Variants in PTPRC observed in about 807,000 individuals in gnomAD.
The protein encoded by PTPRC is receptor-type tyrosine-protein phosphatase C.
In PTPRC, 44 loss-of-function variants were observed where a neutral mutation model predicts 155.9. The observed-to-expected ratio is 0.28, with a 90% confidence interval of 0.22 to 0.36. The LOEUF (loss-of-function observed/expected upper bound fraction) is 0.36, where lower values mean the gene tolerates loss of function less well. Among genes scored for constraint, PTPRC ranks in the 10% least tolerant of loss-of-function variants. The pLI, the probability that PTPRC is intolerant of heterozygous loss-of-function variation, is 1.00. For missense variants in PTPRC, 1,401 were observed against 1,564.6 expected (o/e 0.90, Z 1.76); for synonymous variants, 525 against 533.1 (o/e 0.98, Z 0.21).
At chr1:198,663,367 A>C (rs566768237) in intron 2 of PTPRC, among the ~76,000 whole-genome samples, 2 of 152,324 alleles carry the variant, frequency 1.3e-5, no homozygotes, top group East Asian at 3.9e-4. Flanking sequence ...TTTTAGCTAT[A>C]AGATTCCTTC....
chr1:198,716,875 TG>T (rs775392430), intron 13 of PTPRC, 35 bp downstream of exon 13: 3 of 1,602,980 alleles, frequency 1.9e-6, no homozygotes, highest in Non-Finnish European at 2.6e-6. Context: ...TTTCCATAAA[TG>T]GTAAAAAGCA....
At chr1:198,692,977 A>G (rs535603143) in intron 3 of PTPRC, 2 of 933,862 alleles carry the variant, frequency 2.1e-6, no homozygotes, top group African/African-American at 1.8e-5. Flanking sequence ...AAGAGAAAAA[A>G]TTAAATTGCA....
chr1:198,733,389 G>A (rs10919565), intron 20 of PTPRC, among the ~76,000 whole-genome samples: 2,314 of 151,776 alleles, frequency 0.015, 51 homozygotes, highest in African/African-American at 0.053. Context: ...ACATATTGTA[G>A]CTATTCAATA....
chr1:198,696,886 ATGCTAG>A lies in PTPRC; in HGVS notation c.280_285del (p.Ser94_Ala95del). On this transcript the variant is annotated inframe_deletion, in exon 4 of 33. Transcript: ENST00000442510. Reference sequence around the variant, plus strand: ...CAAGTATCCCCGGACTCTTTGGATAATGCTAGTGCTTTTAATACCACAGGTTGGCAC... The same window carrying A: ...CAAGTATCCCCGGACTCTTTGGATAATGCTTTTAATACCACAGGTTGGCAC... 1 of 1,613,932 alleles carries A rather than the reference ATGCTAG, an allele frequency of 6.2e-7. No individual in the cohort carries two copies. Among genetic ancestry groups the A allele is most frequent in the South Asian group, 1.1e-5 (1 of 91,076 alleles).
chr1:198,727,514 G>A (rs757818592), intron 15 of PTPRC, among the ~76,000 whole-genome samples: 5 of 152,148 alleles, frequency 3.3e-5, no homozygotes, highest in African/African-American at 4.8e-5. Flanking sequence ...ACCGTGCTAC[G>A]TGTTTACTGT....
At chr1:198,751,796 C>A (rs911732177) in intron 29 of PTPRC, among the ~76,000 whole-genome samples, 2 of 152,060 alleles carry the variant, frequency 1.3e-5, no homozygotes, top group African/African-American at 4.8e-5. Flanking sequence ...TGTTGGTCAA[C>A]AAGATGACAG....
At chr1:198,753,549 C>G (rs531401511) in intron 31 of PTPRC, among the ~76,000 whole-genome samples, 1 of 151,938 alleles carries the variant, frequency 6.6e-6, no homozygotes, top group African/African-American at 2.4e-5. Flanking sequence ...ATACTAGAAT[C>G]AAGCCTTAAG....
intron 3 of PTPRC, 71 bp downstream of exon 3, chr1:198,692,444 T>G (rs1389542695): frequency 8.3e-7 from 1 of 1,200,228 alleles, no homozygotes; most frequent in East Asian, 3.0e-5. Flanking sequence ...TAACTACAAT[T>G]TTCTATTATT....
chr1:198,684,567 G>C (rs1665515020), intron 2 of PTPRC, among the ~76,000 whole-genome samples: 1 of 151,728 alleles, frequency 6.6e-6, no homozygotes, highest in Non-Finnish European at 1.5e-5. Context: ...AGTACCATAA[G>C]GCCTAGAGTA....
chr1:198,692,037 A>G (rs569518063), intron 2 of PTPRC, among the ~76,000 whole-genome samples: 1 of 152,106 alleles, frequency 6.6e-6, no homozygotes, highest in African/African-American at 2.4e-5. Context: ...GGGAAAAAAA[A>G]GTTTCAAAAG....
intron 2 of PTPRC, among the ~76,000 whole-genome samples, chr1:198,656,707 T>C (rs1455984419): frequency 2.0e-5 from 3 of 151,302 alleles, no homozygotes; most frequent in African/African-American, 7.3e-5. Flanking sequence ...AGTTTACTGA[T>C]CTGTAGTTTT....
intron 2 of PTPRC, among the ~76,000 whole-genome samples, chr1:198,673,381 T>C (rs1323658941): frequency 6.6e-6 from 1 of 152,216 alleles, no homozygotes; most frequent in African/African-American, 2.4e-5. Flanking sequence ...TGCACCTTAT[T>C]GTGCTTTCTT....
chr1:198,730,957 C>T (rs1654357443), intron 17 of PTPRC, among the ~76,000 whole-genome samples: 1 of 152,174 alleles, frequency 6.6e-6, no homozygotes. Context: ...CATAATTTTA[C>T]ATATGCGACA....
At chr1:198,755,505 G>A (rs1221719327) in intron 32 of PTPRC, among the ~76,000 whole-genome samples, 3 of 151,962 alleles carry the variant, frequency 2.0e-5, no homozygotes, top group South Asian at 2.1e-4. Flanking sequence ...ATTATAAGAA[G>A]AACATGAATG....
chr1:198,689,588 G>A (rs559187033), intron 2 of PTPRC, among the ~76,000 whole-genome samples: 12 of 152,186 alleles, frequency 7.9e-5, no homozygotes, highest in East Asian at 3.9e-4. Flanking sequence ...AATGGCTTCC[G>A]TCATTCTGAG....
intron 2 of PTPRC, among the ~76,000 whole-genome samples, chr1:198,643,220 CAT>C (rs1389434142): frequency 1.3e-5 from 2 of 151,654 alleles, no homozygotes; most frequent in East Asian, 1.9e-4. Context: ...ATGATGATGA[CAT>C]GTGAATTAGT....
rs903323190 is a variant in PTPRC at position 198,673,824 on chromosome 1, C to T, written c.74-18523C>T. Among the ~76,000 whole-genome samples the T allele has an allele frequency of 2.0e-5, 3 of 151,970 alleles. No individual in the cohort carries two copies. In the South Asian group the frequency reaches 6.2e-4, roughly 32 times the overall value. ...AGCCTTTTGGTTTCTGATTTTTTTTCTTAACTTTGCTTGTATGTTGTAGAA... is the reference window on the plus strand; with the variant it reads ...AGCCTTTTGGTTTCTGATTTTTTTTTTTAACTTTGCTTGTATGTTGTAGAA... On this transcript the variant is annotated intron_variant, in intron 2 of 32. Transcript: ENST00000442510.
intron 4 of PTPRC, among the ~76,000 whole-genome samples, chr1:198,698,158 C>T (rs1558005410): frequency 6.6e-6 from 1 of 152,204 alleles, no homozygotes; most frequent in Non-Finnish European, 1.5e-5. Context: ...CAAATAAAAA[C>T]ATGCAACATT....
chr1:198,702,718 T>A (rs1460205659), intron 6 of PTPRC, among the ~76,000 whole-genome samples, 188 bp downstream of exon 6: 1 of 152,208 alleles, frequency 6.6e-6, no homozygotes, highest in African/African-American at 2.4e-5. Flanking sequence ...GCATATTTTA[T>A]TTTACTATTA....
Sources: gnomAD v4.1 joint callset for allele counts (sites outside exome capture counted in the v4.1 genomes callset) on GRCh38, gnomAD v4.1.1 for gene constraint, MANE v1.5 for transcripts, NCBI Gene and HGNC (gene_info 2026-07-23, HGNC 2026-07-21) for gene names.